Variants in ANP32A observed in about 807,000 individuals in gnomAD.
ANP32A encodes acidic leucine-rich nuclear phosphoprotein 32 family member A.
In ANP32A, 1 loss-of-function variant was observed where a neutral mutation model predicts 33.9. That is an observed-to-expected ratio of 0.03 (90% confidence interval 0.01 to 0.14). The LOEUF is 0.14. ANP32A is among the 10% of genes least tolerant of loss of function. The pLI is 1.00. For synonymous variants in ANP32A, 115 were observed against 120.5 expected (o/e 0.95, Z 0.30); for missense variants, 155 against 306.0 (o/e 0.51, Z 3.68).
intron 1 of ANP32A, among the ~76,000 whole-genome samples, chr15:68,811,597 C>T (rs1894312769): frequency 6.6e-6 from 1 of 152,182 alleles, no homozygotes; most frequent in African/African-American, 2.4e-5. Context: ...GTAGAAACTA[C>T]CTAGAGTCCA....
intron 1 of ANP32A, among the ~76,000 whole-genome samples, chr15:68,819,305 G>A (rs1894437742): frequency 6.6e-6 from 1 of 152,146 alleles, no homozygotes; most frequent in African/African-American, 2.4e-5. Flanking sequence ...CCCCAGAGCC[G>A]CCAACTCGCC....
intron 1 of ANP32A, among the ~76,000 whole-genome samples, chr15:68,818,875 G>A (rs977824731): frequency 6.0e-5 from 9 of 149,892 alleles, no homozygotes; most frequent in African/African-American, 2.0e-4. Flanking sequence ...GCCGGGTCCC[G>A]GCCGGGACGA....
Position 68,779,958 on chromosome 15 carries a change from A to G in ANP32A, c.*123T>C. 1 of 572,020 alleles carries G rather than the reference A, an allele frequency of 1.7e-6. No individual in the cohort carries two copies. The highest frequency in any genetic ancestry group is 2.6e-6 in the Non-Finnish European group (1 of 382,202). 35.4% of individuals were successfully genotyped at this position (572,020 alleles called of 1,614,324 possible). A position where few individuals can be genotyped will look rare whatever the true frequency, so the allele number is the denominator to read the frequency against. On this transcript the variant is annotated 3_prime_UTR_variant, in exon 7 of 7. Transcript: ENST00000465139. ...AGTACACTCTTCCCCTCTCGTTCCC[A>G]CAGCAACGTTACAATCAGAAAAAAA...
At chr15:68,798,693 G>A (rs1164494493) in intron 1 of ANP32A, among the ~76,000 whole-genome samples, 1 of 152,176 alleles carries the variant, frequency 6.6e-6, no homozygotes, top group Non-Finnish European at 1.5e-5. Context: ...TTAGCTGTTA[G>A]GAAGAGCCCA....
chr15:68,808,328 TG>T (rs1284678648), intron 1 of ANP32A, among the ~76,000 whole-genome samples: 2 of 151,836 alleles, frequency 1.3e-5, no homozygotes, highest in East Asian at 3.9e-4. Flanking sequence ...GATCCACAGC[TG>T]GGGTTGAAAT....
chr15:68,787,391 G>A (rs777406698), intron 3 of ANP32A, 22 bp downstream of exon 3: 2 of 1,614,094 alleles, frequency 1.2e-6, no homozygotes, highest in Non-Finnish European at 1.7e-6. Flanking sequence ...CCTGCAGGGA[G>A]GGGAGGGTCC....
intron 1 of ANP32A, among the ~76,000 whole-genome samples, chr15:68,818,528 A>G (rs994955798): frequency 4.6e-5 from 7 of 151,026 alleles, no homozygotes; most frequent in African/African-American, 9.8e-5. Context: ...GCCTCCAGGC[A>G]GGGGGCAGGC....
At chr15:68,802,589 G>A (rs971132568) in intron 1 of ANP32A, among the ~76,000 whole-genome samples, 2 of 152,162 alleles carry the variant, frequency 1.3e-5, no homozygotes, top group African/African-American at 4.8e-5. Flanking sequence ...TTACGGATAA[G>A]AGCTGGAATC....
Position 68,779,852 on chromosome 15 carries a change from G to A in ANP32A, c.*229C>T. 1 of 533,224 alleles carries A rather than the reference G, an allele frequency of 1.9e-6. No homozygotes were observed. The highest frequency in any genetic ancestry group is 2.7e-5 in the South Asian group (1 of 36,982). The allele number at this position is 533,224 out of a possible 1,614,324, so 33.0% of individuals were successfully genotyped here. ...GACAAAAACCGGACACAAAGAAAAA[G>A]TAGGGGAAAAAAATAAAGAGTGGCA... On this transcript the variant is annotated 3_prime_UTR_variant, in exon 7 of 7. Coordinates refer to ENST00000465139, the MANE Select transcript of ANP32A (RefSeq NM_006305.4).
chr15:68,801,834 G>A (rs1894141170), intron 1 of ANP32A: 1 of 154,752 alleles, frequency 6.5e-6, no homozygotes, highest in Admixed American at 6.5e-5. Context: ...CCAGAGGTGT[G>A]TGCTCAGAGG....
chr15:68,789,650 G>A (rs1893975968), intron 1 of ANP32A: 1 of 152,432 alleles, frequency 6.6e-6, no homozygotes, highest in Non-Finnish European at 1.5e-5. Flanking sequence ...TACACATCTG[G>A]ATCTCAGAGT....
chr15:68,792,550 G>A (rs141558270), intron 1 of ANP32A, among the ~76,000 whole-genome samples: 10 of 152,264 alleles, frequency 6.6e-5, no homozygotes, highest in Middle Eastern at 3.4e-3. Context: ...ACACAAATAC[G>A]TTATTACTCT....
intron 1 of ANP32A, among the ~76,000 whole-genome samples, chr15:68,807,921 T>C (rs893259958): frequency 1.3e-5 from 2 of 152,170 alleles, no homozygotes; most frequent in Non-Finnish European, 2.9e-5. Context: ...TGATCGGTAA[T>C]GCCCACTTGA....
chr15:68,815,162 T>C (rs552276408), intron 1 of ANP32A, among the ~76,000 whole-genome samples: 2 of 152,178 alleles, frequency 1.3e-5, no homozygotes, highest in Non-Finnish European at 2.9e-5. Flanking sequence ...AAAAAGACCC[T>C]GAGAGTACCA....
intron 1 of ANP32A, chr15:68,818,162 T>A (rs920566550): frequency 6.2e-6 from 1 of 162,232 alleles, no homozygotes. Flanking sequence ...CCGCGCCACA[T>A]GGAGCCCGGA....
At chr15:68,796,520 C>T (rs958708529) in intron 1 of ANP32A, among the ~76,000 whole-genome samples, 2 of 152,186 alleles carry the variant, frequency 1.3e-5, no homozygotes, top group African/African-American at 4.8e-5. Flanking sequence ...CAGCCGCAGA[C>T]TCGACTCTTT....
intron 3 of ANP32A, among the ~76,000 whole-genome samples, chr15:68,785,982 C>G (rs974046883): frequency 3.3e-5 from 5 of 152,182 alleles, no homozygotes; most frequent in African/African-American, 1.2e-4. Flanking sequence ...GCACATTCTA[C>G]TAGTTGGCCC....
intron 1 of ANP32A, among the ~76,000 whole-genome samples, chr15:68,815,321 A>C (rs529166329): frequency 7.9e-5 from 12 of 152,370 alleles, no homozygotes; most frequent in East Asian, 3.9e-4. Flanking sequence ...AATTAAGAAC[A>C]CTACATAGGG....
chr15:68,804,204 C>A (rs145474475), intron 1 of ANP32A, among the ~76,000 whole-genome samples: 1,777 of 152,254 alleles, frequency 0.012, 18 homozygotes, highest in Non-Finnish European at 0.018. Context: ...AAAGTAAAGT[C>A]AAGTCAAGAG....
Sources: gnomAD v4.1 joint callset for allele counts (sites outside exome capture counted in the v4.1 genomes callset) on GRCh38, gnomAD v4.1.1 for gene constraint, MANE v1.5 for transcripts, NCBI Gene and HGNC (gene_info 2026-07-23, HGNC 2026-07-21) for gene names.